The following GMPR variants were observed in gnomAD, a reference collection of about 807,000 sequenced individuals.
GMPR encodes the protein guanosine monophosphate reductase.
In GMPR, 31 loss-of-function variants were observed where a neutral mutation model predicts 38.4. That is an observed-to-expected ratio of 0.81 (90% CI 0.61 to 1.09). The LOEUF is 1.09. GMPR is among the 50% of genes least tolerant of loss of function. The pLI is 0.00. For synonymous variants in GMPR, 162 were observed against 173.3 expected, an observed-to-expected ratio of 0.93 and a Z score of 0.51; for missense variants, 468 against 453.7, an observed-to-expected ratio of 1.03 and a Z score of -0.29.
In GMPR at chr6:16,289,169, G is replaced by A. The variant is rs147255762; in HGVS notation, c.698-1293G>A. Among the ~76,000 whole-genome samples the A allele has an allele frequency of 2.8e-3, 423 of 152,316 alleles. 5 individuals carry two copies. Among genetic ancestry groups the A allele is most frequent in the African/African-American group, 9.3e-3 (388 of 41,570 alleles). On this transcript the variant is annotated intron_variant, in intron 7 of 8. Coordinates refer to ENST00000259727, the MANE Select transcript of GMPR (RefSeq NM_006877.4). ...GTGCTATTTGCCGGGAAGGTCTATA[G>A]CTTCATTTTTGAGCTAGCGCAGACC...
intron 1 of GMPR, 50 bp downstream of exon 1, chr6:16,238,830 GGC>G: frequency 9.2e-7 from 1 of 1,082,366 alleles, no homozygotes. Flanking sequence ...TTTTCCGGGT[GGC>G]GCGGGGCAAG....
intron 4 of GMPR, among the ~76,000 whole-genome samples, chr6:16,265,377 C>A (rs559455029): frequency 9.3e-4 from 141 of 152,306 alleles, no homozygotes; most frequent in Admixed American, 4.3e-3. Context: ...GAGAGCTGGA[C>A]CTGGCATTTA....
At chr6:16,275,443 T>C (rs1759455740) in intron 5 of GMPR, among the ~76,000 whole-genome samples, 1 of 152,154 alleles carries the variant, frequency 6.6e-6, no homozygotes, top group Middle Eastern at 3.2e-3. Context: ...ATGAAGAGAA[T>C]ATTAGGAAGA....
chr6:16,258,571 C>G (rs1005993192), intron 4 of GMPR, among the ~76,000 whole-genome samples: 5 of 152,234 alleles, frequency 3.3e-5, no homozygotes. Flanking sequence ...CTCCAGCACC[C>G]GCTGGCTGGC....
chr6:16,267,475 C>T (rs1759280183), intron 4 of GMPR, among the ~76,000 whole-genome samples: 1 of 151,940 alleles, frequency 6.6e-6, no homozygotes, highest in Non-Finnish European at 1.5e-5. Flanking sequence ...CGGACGGTGC[C>T]ACTTTTAAGA....
chr6:16,257,097 C>G (rs1758996086), intron 4 of GMPR, among the ~76,000 whole-genome samples: 1 of 152,176 alleles, frequency 6.6e-6, no homozygotes, highest in Admixed American at 6.5e-5. Flanking sequence ...GCTTCTGGCT[C>G]CATCCTCCAT....
intron 3 of GMPR, among the ~76,000 whole-genome samples, chr6:16,252,703 C>T (rs910026387): frequency 5.9e-5 from 9 of 152,124 alleles, no homozygotes; most frequent in African/African-American, 2.2e-4. Context: ...GAGAAGGCAA[C>T]CAATCTCAAG....
intron 8 of GMPR, among the ~76,000 whole-genome samples, chr6:16,294,072 G>A (rs987068606): frequency 5.3e-5 from 8 of 152,222 alleles, no homozygotes; most frequent in African/African-American, 1.7e-4. Flanking sequence ...GTTACCTGGT[G>A]GCTTTGTGAA....
chr6:16,261,567 A>G (rs771172895), intron 4 of GMPR, among the ~76,000 whole-genome samples: 47 of 152,038 alleles, frequency 3.1e-4, no homozygotes, highest in Non-Finnish European at 5.4e-4. Flanking sequence ...AGGCAAAACA[A>G]TTTGGTTGAT....
At chr6:16,268,187 T>C (rs1759305571) in intron 4 of GMPR, among the ~76,000 whole-genome samples, 1 of 152,232 alleles carries the variant, frequency 6.6e-6, no homozygotes, top group Admixed American at 6.5e-5. Context: ...AAAGGTGATG[T>C]TCTCTCTGAA....
At chr6:16,282,884 C>G (rs1185224396) in intron 6 of GMPR, among the ~76,000 whole-genome samples, 6 of 151,586 alleles carry the variant, frequency 4.0e-5, no homozygotes, top group Admixed American at 2.0e-4. Flanking sequence ...TCTCGGCTCA[C>G]TGCAACCTCT....
intron 4 of GMPR, 71 bp from the exon 5 acceptor site, chr6:16,274,344 G>T (rs1759438241): frequency 2.1e-6 from 2 of 951,566 alleles, no homozygotes; most frequent in South Asian, 1.3e-5. Context: ...CTCGTGTTCA[G>T]GTGTGGGGTT....
intron 7 of GMPR, among the ~76,000 whole-genome samples, chr6:16,287,785 G>C (rs1561835015): frequency 6.6e-6 from 1 of 152,202 alleles, no homozygotes; most frequent in African/African-American, 2.4e-5. Flanking sequence ...TTAAGAGGTT[G>C]CTGCCACTTA....
intron 4 of GMPR, among the ~76,000 whole-genome samples, chr6:16,266,285 C>T (rs1488971825): frequency 4.0e-5 from 6 of 151,790 alleles, no homozygotes; most frequent in African/African-American, 9.7e-5. Context: ...GGCTTCATTC[C>T]TGAAGTCAGT....
At chr6:16,293,327 G>A (rs113848568) in intron 8 of GMPR, among the ~76,000 whole-genome samples, 3 of 152,324 alleles carry the variant, frequency 2.0e-5, no homozygotes, top group African/African-American at 7.2e-5. Flanking sequence ...TTACGAAAAT[G>A]AAATGTCAGT....
chr6:16,290,350 A>T, intron 7 of GMPR, 112 bp from the exon 8 acceptor site: 2 of 920,196 alleles, frequency 2.2e-6, no homozygotes, highest in South Asian at 3.0e-5. Context: ...TCTCTTGACT[A>T]TAGCTGGGCG....
At chr6:16,273,908 C>T (rs544815906) in intron 4 of GMPR, among the ~76,000 whole-genome samples, 5 of 151,374 alleles carry the variant, frequency 3.3e-5, no homozygotes, top group South Asian at 2.1e-4. Flanking sequence ...CTCTGCCTCC[C>T]GGGTTCAAGT....
intron 1 of GMPR, among the ~76,000 whole-genome samples, chr6:16,244,360 G>A (rs1003054157): frequency 6.6e-6 from 1 of 151,788 alleles, no homozygotes; most frequent in African/African-American, 2.4e-5. Context: ...CTACAGGCTC[G>A]CACCACCCAA....
In GMPR at chr6:16,295,486, TTTTC is replaced by T. The variant is rs1196503199; in HGVS notation, c.*308_*311del. 7.4e-6 allele frequency: 2 copies of T among 270,968 alleles called. No homozygotes were observed. Among genetic ancestry groups the T allele is most frequent in the Non-Finnish European group, 1.4e-5 (2 of 146,170 alleles). 16.8% of individuals were successfully genotyped at this position (270,968 alleles called of 1,614,324 possible). On this transcript the variant is annotated 3_prime_UTR_variant, in exon 9 of 9. Transcript: ENST00000259727. ...TCTCTTTCTCTCTCCCTTTCTTTGT[TTTTC>T]TTTCTTTTTTAAAAGAAGATGGTTT...
Sources: gnomAD v4.1 joint callset for allele counts (sites outside exome capture counted in the v4.1 genomes callset) on GRCh38, gnomAD v4.1.1 for gene constraint, MANE v1.5 for transcripts, NCBI Gene and HGNC (gene_info 2026-07-23, HGNC 2026-07-21) for gene names.